Variants in CFAP299 observed in about 807,000 individuals in gnomAD.
The protein encoded by CFAP299 is cilia and flagella associated protein 299, also known as cilia- and flagella-associated protein 299.
Under a neutral mutation model 27.0 loss-of-function variants are expected in CFAP299, and 21 were observed. That is an observed-to-expected ratio of 0.78 (90% CI 0.55 to 1.12). The LOEUF is 1.12. CFAP299 is among the 50% of genes most tolerant of loss of function. The pLI, the probability that CFAP299 is intolerant of heterozygous loss-of-function variation, is 0.00. For synonymous variants in CFAP299, 104 were observed against 98.1 expected (o/e 1.06, Z -0.36); for missense variants, 310 against 276.6 (o/e 1.12, Z -0.86).
intron 3 of CFAP299, among the ~76,000 whole-genome samples, chr4:80,861,957 C>A (rs1732400264): frequency 6.6e-6 from 1 of 151,892 alleles, no homozygotes; most frequent in Admixed American, 6.6e-5. Context: ...TTTCTTCTTC[C>A]AAGTACTTAA....
At chr4:80,508,674 T>TTG (rs1244919702) in intron 2 of CFAP299, among the ~76,000 whole-genome samples, 8 of 152,086 alleles carry the variant, frequency 5.3e-5, no homozygotes, top group African/African-American at 1.7e-4. Flanking sequence ...TTCTCTCAAC[T>TTG]TGGCCTCCCC....
chr4:80,606,989 A>T lies in CFAP299; in HGVS notation c.333+23806A>T, dbSNP rs565684775. The stretch of plus-strand genomic sequence containing the variant: ...TTTTCTTGTCTTTGATGCATTCAGT[A>T]ATGTTTGCAGAAGGAAGGAAGGGAG... On this transcript the variant is annotated intron_variant, in intron 3 of 5. Transcript: ENST00000358105. Among the ~76,000 whole-genome samples the T allele has an allele frequency of 2.5e-4, 38 of 152,256 alleles. No homozygotes were observed. The South Asian group carries it at 7.5e-3, about 30-fold the overall frequency.
At chr4:80,583,349 A>G in intron 3 of CFAP299, 166 bp downstream of exon 3, 2 of 367,668 alleles carry the variant, frequency 5.4e-6, no homozygotes, top group East Asian at 4.5e-5. Flanking sequence ...GTTAAAAATT[A>G]TCATTTACAT....
chr4:80,637,965 G>A (rs1047378864), intron 3 of CFAP299, among the ~76,000 whole-genome samples: 5 of 152,134 alleles, frequency 3.3e-5, no homozygotes, highest in African/African-American at 1.2e-4. Context: ...TTGATTTCTA[G>A]CAATAAAGAA....
At chr4:80,654,784 C>CTT (rs369680550) in intron 3 of CFAP299, among the ~76,000 whole-genome samples, 1,546 of 126,760 alleles carry the variant, frequency 0.012, 44 homozygotes, top group African/African-American at 0.041. Flanking sequence ...TAATTTTTAA[C>CTT]TTTTTTTTTT....
chr4:80,330,221 C>G, the CFAP299 span, among the ~76,000 whole-genome samples: 1 of 152,114 alleles, frequency 6.6e-6, no homozygotes, highest in Non-Finnish European at 1.5e-5. Flanking sequence ...TTCAACCTCC[C>G]CTTTTCTTCT....
chr4:80,554,669 T>C (rs1734704051), intron 2 of CFAP299, among the ~76,000 whole-genome samples: 1 of 152,092 alleles, frequency 6.6e-6, no homozygotes, highest in Non-Finnish European at 1.5e-5. Flanking sequence ...TCTTCTCTGG[T>C]TTCTTTGAGT....
At chr4:80,391,441 G>A (rs1182474912) in intron 2 of CFAP299, among the ~76,000 whole-genome samples, 4 of 152,072 alleles carry the variant, frequency 2.6e-5, no homozygotes, top group Non-Finnish European at 5.9e-5. Context: ...TCTCATTGTG[G>A]TTCCGATTTG....
At chr4:80,586,350 C>T (rs1736439094) in intron 3 of CFAP299, among the ~76,000 whole-genome samples, 1 of 152,016 alleles carries the variant, frequency 6.6e-6, no homozygotes, top group African/African-American at 2.4e-5. Flanking sequence ...TGCTGCTAGT[C>T]TTTAAGGAAA....
At position 80,914,705 on chromosome 4, in the gene CFAP299, A is replaced by G. The variant is rs138287125; in HGVS notation, c.477-30105A>G. ...TATTTATTTCCTCAGTGGAGCTTTG[A>G]TAGTTTGTATCTTTCAAGAAAATCA... On this transcript the variant is annotated intron_variant, in intron 4 of 5. Transcript: ENST00000358105. Among the ~76,000 whole-genome samples the G allele has an allele frequency of 2.9e-3, 439 of 152,240 alleles. 11 individuals carry two copies. The South Asian group carries it at 0.049, about 17-fold the overall frequency.
intron 3 of CFAP299, among the ~76,000 whole-genome samples, chr4:80,857,803 T>C (rs903678190): frequency 6.6e-6 from 1 of 152,196 alleles, no homozygotes; most frequent in Admixed American, 6.5e-5. Flanking sequence ...CTGGATTTGG[T>C]TTGGCAGTAT....
chr4:80,472,106 T>C (rs2110117029), intron 2 of CFAP299, among the ~76,000 whole-genome samples: 1 of 152,350 alleles, frequency 6.6e-6, no homozygotes, highest in Non-Finnish European at 1.5e-5. Flanking sequence ...GTCTTGTAAA[T>C]ACTGTTGAAC....
intron 4 of CFAP299, among the ~76,000 whole-genome samples, chr4:80,897,069 A>G (rs1208962959): frequency 1.3e-5 from 2 of 152,176 alleles, no homozygotes; most frequent in Non-Finnish European, 2.9e-5. Flanking sequence ...TGAAAAAGGC[A>G]TGGCAAATTT....
intron 2 of CFAP299, among the ~76,000 whole-genome samples, chr4:80,456,032 A>T (rs1295889514): frequency 6.6e-6 from 1 of 152,146 alleles, no homozygotes; most frequent in Non-Finnish European, 1.5e-5. Flanking sequence ...AGGTGATGCT[A>T]GGGTGGGGTT....
chr4:80,353,112 C>G (rs1458731702), intron 1 of CFAP299, among the ~76,000 whole-genome samples: 1 of 152,106 alleles, frequency 6.6e-6, no homozygotes, highest in Admixed American at 6.6e-5. Flanking sequence ...TCAATGCTAT[C>G]AAAAGTTACT....
At chr4:80,443,352 C>G (rs755088792) in intron 2 of CFAP299, among the ~76,000 whole-genome samples, 2 of 152,158 alleles carry the variant, frequency 1.3e-5, no homozygotes, top group Non-Finnish European at 1.5e-5. Context: ...CACCTTCATC[C>G]CTGGGATGCA....
intron 3 of CFAP299, among the ~76,000 whole-genome samples, chr4:80,756,058 A>G (rs1398860471): frequency 6.6e-6 from 1 of 152,120 alleles, no homozygotes; most frequent in African/African-American, 2.4e-5. Context: ...GTCCATCAAT[A>G]TTCCTTTGCT....
intron 1 of CFAP299, 122 bp downstream of exon 1, chr4:80,336,001 T>TAG: frequency 1.5e-6 from 1 of 661,292 alleles, no homozygotes; most frequent in African/African-American, 1.8e-5. Flanking sequence ...CGCCGCGGTT[T>TAG]CGGGACCGCG....
At chr4:80,687,465 T>C (rs1349800199) in intron 3 of CFAP299, among the ~76,000 whole-genome samples, 1 of 152,144 alleles carries the variant, frequency 6.6e-6, no homozygotes, top group Non-Finnish European at 1.5e-5. Context: ...ATTTTAAGGA[T>C]AAACTGAGGG....
Sources: gnomAD v4.1 joint callset for allele counts (sites outside exome capture counted in the v4.1 genomes callset) on GRCh38, gnomAD v4.1.1 for gene constraint, MANE v1.5 for transcripts, NCBI Gene and HGNC (gene_info 2026-07-23, HGNC 2026-07-21) for gene names.